CUBN: variants seen among roughly 807,000 people sequenced by gnomAD.
The protein encoded by CUBN is cubilin, also known as 460 kDa receptor.
CUBN carries 282 observed loss-of-function variants against 405.3 expected under a neutral mutation model. The observed-to-expected ratio is 0.70, with a 90% CI of 0.63 to 0.77. The LOEUF (loss-of-function observed/expected upper bound fraction) is 0.77. Among genes scored for constraint, CUBN ranks in the 30% least tolerant of loss-of-function variants. The pLI is 0.00. For missense variants in CUBN, 4,514 were observed against 4,475.2 expected (o/e 1.01, Z -0.25); for synonymous variants, 1,684 against 1,617.0 (o/e 1.04, Z -0.99).
intron 15 of CUBN, 97 bp downstream of exon 15, chr10:17,088,067 A>C (rs1002950787): frequency 3.0e-5 from 26 of 861,342 alleles, no homozygotes; most frequent in Non-Finnish European, 4.9e-5. Context: ...ACCTAACTAC[A>C]GCTAATATTT....
intron 22 of CUBN, 25 bp downstream of exon 22, chr10:17,065,483 C>T (rs1835593865): frequency 1.2e-6 from 2 of 1,611,702 alleles, no homozygotes; most frequent in African/African-American, 1.3e-5. Context: ...TCAATAAAAC[C>T]GAGTATGCAA....
rs1331373817 is a variant in CUBN, at chr10:16,900,147, G to A, written c.8410+478C>T. Among the ~76,000 whole-genome samples, 9 of 152,144 alleles carry A rather than the reference G, an allele frequency of 5.9e-5. No individual in the cohort carries two copies. In the East Asian group the frequency reaches 1.5e-3, roughly 26 times the overall value. The stretch of plus-strand genomic sequence containing the variant: ...TCTTCAACAGTTTCCCATTGTTCAA[G>A]GGATAACATATAAACCAAGGCTCTT... On this transcript the variant is annotated intron_variant, in intron 53 of 66. Coordinates refer to ENST00000377833, the MANE Select transcript of CUBN (RefSeq NM_001081.4).
In CUBN at chr10:16,901,188, T is replaced by C. The variant is rs1841353334; in HGVS notation, c.8184+150A>G. 3.6e-6 allele frequency: 4 copies of C among 1,123,002 alleles called. No homozygotes were observed. The Admixed American group carries it at 6.9e-5, about 19-fold the overall frequency. 69.6% of individuals were successfully genotyped at this position (1,123,002 alleles called of 1,614,324 possible). The stretch of plus-strand genomic sequence containing the variant: ...ATAAATGCCAATGTATGTGCTCTAG[T>C]GAGAAAATGTTAGGGAAAAACAGTG... On this transcript the variant is annotated intron_variant, in intron 52 of 66. Coordinates refer to ENST00000377833, the MANE Select transcript of CUBN (RefSeq NM_001081.4).
In CUBN at chr10:17,071,498, G is replaced by T. The variant is rs770871285; in HGVS notation, c.2553C>A (p.Ser851Arg). ...CAGTGAAGTTGAGGAGAATGACTTGGCTTTGGGGCTGGTGGATGGTCCACC... is the reference window on the plus strand; with the variant it reads ...CAGTGAAGTTGAGGAGAATGACTTGTCTTTGGGGCTGGTGGATGGTCCACC... ...TCRWTIHQPQ[S>R]QVILLNFTVF... The change falls in exon 19 of 67, where the codon AGC becomes AGA. Residue 851 changes from serine to arginine, a missense_variant. Ser to Arg is a moderately radical substitution (Grantham distance 110). This residue lies in a region of CUBN where 1,448 missense variants were observed against 1,388.0 expected (regional missense o/e 1.04). Transcript: ENST00000377833. The T allele has an allele frequency of 3.7e-6, 6 of 1,613,840 alleles. No homozygotes were observed. Among genetic ancestry groups the T allele is most frequent in the African/African-American group, 2.7e-5 (2 of 74,866 alleles).
At chr10:17,113,578 T>C (rs1836817717) in intron 8 of CUBN, among the ~76,000 whole-genome samples, 1 of 152,188 alleles carries the variant, frequency 6.6e-6, no homozygotes, top group South Asian at 2.1e-4. Context: ...CAGGGCATAA[T>C]GGAGCTGGAT....
intron 22 of CUBN, among the ~76,000 whole-genome samples, chr10:17,055,095 A>C (rs1487192052): frequency 2.6e-5 from 4 of 152,106 alleles, no homozygotes; most frequent in Non-Finnish European, 5.9e-5. Flanking sequence ...AACCAGGTGG[A>C]GTTCTGATGT....
chr10:16,992,275 A>G (rs544910723), intron 28 of CUBN, among the ~76,000 whole-genome samples: 2 of 152,320 alleles, frequency 1.3e-5, no homozygotes, highest in African/African-American at 4.8e-5. Flanking sequence ...TAGCATTAGG[A>G]GGAATACCTA....
chr10:16,954,699 T>A, intron 31 of CUBN, 151 bp from the exon 32 acceptor site: 2 of 831,220 alleles, frequency 2.4e-6, no homozygotes, highest in Non-Finnish European at 3.9e-6. Flanking sequence ...CTCACAGCTG[T>A]AACAAGTCTT....
chr10:16,954,595 G>A (rs771702335), intron 31 of CUBN, 47 bp from the exon 32 acceptor site: 1 of 1,602,850 alleles, frequency 6.2e-7, no homozygotes, highest in Non-Finnish European at 8.5e-7. Context: ...TTCACATCTA[G>A]AAGGCCTGTA....
intron 28 of CUBN, among the ~76,000 whole-genome samples, chr10:17,014,803 A>G (rs1834283186): frequency 6.6e-6 from 1 of 152,182 alleles, no homozygotes; most frequent in African/African-American, 2.4e-5. Flanking sequence ...CAAACAGATG[A>G]AGGCTATCCC....
chr10:16,890,282 C>T, intron 55 of CUBN, 89 bp downstream of exon 55: 1 of 1,309,438 alleles, frequency 7.6e-7, no homozygotes, highest in Non-Finnish European at 1.1e-6. Context: ...ATACTCCTCC[C>T]CTAGACCCCC....
intron 31 of CUBN, among the ~76,000 whole-genome samples, chr10:16,979,587 G>A (rs1329171315): frequency 6.6e-6 from 1 of 152,166 alleles, no homozygotes; most frequent in African/African-American, 2.4e-5. Context: ...AACAAGCAAT[G>A]AGGAAAGGAT....
rs1836741163 is a variant in CUBN, at chr10:17,110,290, A to G, written c.1016-555T>C. Reference sequence around the variant, plus strand: ...TATATGCAAAACAACTCAGGAGTGCATGATATTAACAAATTATTCGTGAGG... The same window carrying G: ...TATATGCAAAACAACTCAGGAGTGCGTGATATTAACAAATTATTCGTGAGG... On this transcript the variant is annotated intron_variant, in intron 9 of 66. Transcript: ENST00000377833. Among the ~76,000 whole-genome samples the G allele has an allele frequency of 3.3e-5, 5 of 152,370 alleles. No homozygotes were observed. In the South Asian group the frequency reaches 6.2e-4, roughly 19 times the overall value.
rs1378443380 is a variant in CUBN at position 16,841,049 on chromosome 10, T to C, written c.9664-2A>G. 2.5e-6 allele frequency: 4 copies of C among 1,613,898 alleles called. No homozygotes were observed. Among genetic ancestry groups the C allele is most frequent in the African/African-American group, 1.3e-5 (1 of 75,052 alleles). On this transcript the variant is annotated splice_acceptor_variant, in intron 60 of 66. Transcript: ENST00000377833. LOFTEE classifies it high-confidence loss of function. ...ATTTTCACTATCCCCATCATATAAC[T>C]GAGAAGAAAAACAATTCATTACTTC... is the stretch of plus-strand genomic sequence containing the variant.
chr10:16,828,661 T>C, intron 66 of CUBN, 144 bp downstream of exon 66: 1 of 689,524 alleles, frequency 1.5e-6, no homozygotes. Context: ...GAGGTTGCAG[T>C]GAGTTGAGAT....
intron 54 of CUBN, among the ~76,000 whole-genome samples, chr10:16,891,858 G>C (rs1841018826): frequency 1.3e-5 from 2 of 152,144 alleles, no homozygotes; most frequent in African/African-American, 2.4e-5. Context: ...GTAGTATCTA[G>C]TGGGTAGGGG....
chr10:16,846,353 T>C (rs745566029), intron 60 of CUBN, among the ~76,000 whole-genome samples: 36 of 152,254 alleles, frequency 2.4e-4, no homozygotes, highest in Non-Finnish European at 4.3e-4. Flanking sequence ...TGACTTTGTG[T>C]AGCAGTGTTA....
intron 57 of CUBN, 84 bp from the exon 58 acceptor site, chr10:16,874,587 G>T: frequency 6.5e-7 from 1 of 1,530,312 alleles, no homozygotes; most frequent in Non-Finnish European, 9.0e-7. Context: ...CTATACTATT[G>T]TACATTTTTC....
intron 27 of CUBN, among the ~76,000 whole-genome samples, chr10:17,035,727 T>C (rs920839548): frequency 1.3e-5 from 2 of 152,082 alleles, no homozygotes; most frequent in Non-Finnish European, 2.9e-5. Flanking sequence ...AGCAAACTAA[T>C]GCAGGAAACA....
Sources: gnomAD v4.1 joint callset for allele counts (sites outside exome capture counted in the v4.1 genomes callset) on GRCh38, gnomAD v4.1.1 for gene constraint, gnomAD v4.1.1 regional missense constraint, MANE v1.5 for transcripts, NCBI Gene and HGNC (gene_info 2026-07-23, HGNC 2026-07-21) for gene names.